Variants in DORIP1 observed in about 807,000 individuals in gnomAD.
DORIP1 encodes dopamine receptor interacting protein 1, also known as dopamine receptor-interacting protein 1.
chr14:44,900,663 C>T, the DORIP1 span: 1 of 1,610,804 alleles, frequency 6.2e-7, no homozygotes, highest in Non-Finnish European at 8.5e-7. Flanking sequence ...ATGAAAACTT[C>T]CCTAGGGAAC....
At chr14:44,906,079 T>C in the DORIP1 span, 1 of 150,472 alleles carries the variant, frequency 6.6e-6, no homozygotes, top group African/African-American at 2.4e-5. Flanking sequence ...TCGATTTGCC[T>C]AGTATCCCTG....
At chr14:44,900,828 G>A in the DORIP1 span, 1 of 1,613,922 alleles carries the variant, frequency 6.2e-7, no homozygotes, top group African/African-American at 1.3e-5. Context: ...TAATTGATTT[G>A]TTTGGGAATG....
chr14:44,903,148 A>AAT, the DORIP1 span: 1 of 1,233,662 alleles, frequency 8.1e-7, no homozygotes, highest in African/African-American at 1.5e-5. Flanking sequence ...AATTTGTTAT[A>AAT]ATATATTAAG....
At chr14:44,902,927 G>C in the DORIP1 span, among the ~76,000 whole-genome samples, 1 of 152,066 alleles carries the variant, frequency 6.6e-6, no homozygotes, top group African/African-American at 2.4e-5. Context: ...AGACCAGATT[G>C]CCTCTTTTGA....
the DORIP1 span, chr14:44,905,224 C>T: frequency 2.1e-6 from 1 of 474,246 alleles, no homozygotes; most frequent in Admixed American, 4.1e-5. Flanking sequence ...AATTTTATTA[C>T]ATGATCTATA....
At chr14:44,903,162 T>G in the DORIP1 span, 3 of 1,351,668 alleles carry the variant, frequency 2.2e-6, no homozygotes, top group Non-Finnish European at 3.2e-6. Flanking sequence ...TATTAAGATA[T>G]AAAATGTTGA....
At chr14:44,901,399 A>C in the DORIP1 span, among the ~76,000 whole-genome samples, 1 of 152,266 alleles carries the variant, frequency 6.6e-6, no homozygotes, top group Non-Finnish European at 1.5e-5. Context: ...TTACTTAGGC[A>C]TGAAGCAGTC....
the DORIP1 span, among the ~76,000 whole-genome samples, chr14:44,897,829 C>G: frequency 6.6e-6 from 1 of 152,204 alleles, no homozygotes. Context: ...GCACGCCTAG[C>G]GTCCGCCTTG....
the DORIP1 span, chr14:44,900,527 G>A: frequency 1.0e-4 from 167 of 1,599,776 alleles, no homozygotes; most frequent in Non-Finnish European, 1.4e-4. Flanking sequence ...CCTTGGGGGG[G>A]TGTTTTTACT....
At chr14:44,904,635 A>C in the DORIP1 span, 2 of 1,141,152 alleles carry the variant, frequency 1.8e-6, no homozygotes, top group Non-Finnish European at 2.4e-6. Flanking sequence ...AAACAATCAT[A>C]TCTGTCTCTA....
the DORIP1 span, among the ~76,000 whole-genome samples, chr14:44,902,581 A>G: frequency 7.2e-5 from 11 of 152,152 alleles, no homozygotes; most frequent in South Asian, 2.1e-4. Flanking sequence ...CAGCTTCCCA[A>G]AGTGCTGGGA....
the DORIP1 span, chr14:44,899,454 A>G: frequency 6.6e-6 from 1 of 152,200 alleles, no homozygotes; most frequent in African/African-American, 2.4e-5. Flanking sequence ...AAAATCCCAA[A>G]GTGATTAGCA....
chr14:44,902,733 A>T, the DORIP1 span, among the ~76,000 whole-genome samples: 1 of 152,170 alleles, frequency 6.6e-6, no homozygotes, highest in South Asian at 2.1e-4. Context: ...ATCATACTCT[A>T]TAACTTTTAA....
chr14:44,898,512 T>G, the DORIP1 span, among the ~76,000 whole-genome samples: 2 of 152,230 alleles, frequency 1.3e-5, no homozygotes, highest in Admixed American at 6.5e-5. Flanking sequence ...TAAGCAATCT[T>G]AAACCTTGCT....
chr14:44,903,601 T>G, the DORIP1 span: 1 of 1,020,564 alleles, frequency 9.8e-7, no homozygotes, highest in Non-Finnish European at 1.2e-6. Flanking sequence ...CACTCTCCAT[T>G]TAGGAGAAAG....
the DORIP1 span, among the ~76,000 whole-genome samples, chr14:44,899,824 ATTTT>A: frequency 2.6e-5 from 3 of 115,274 alleles, no homozygotes; most frequent in African/African-American, 3.6e-5. Context: ...TCATTTAGGA[ATTTT>A]TTTTTTTTTT....
the DORIP1 span, chr14:44,903,502 TC>T: frequency 5.3e-5 from 61 of 1,156,238 alleles, no homozygotes; most frequent in East Asian, 2.4e-4. Context: ...TTTTCTTTTT[TC>T]CCCCCCCACT....
At chr14:44,897,577 A>G in the DORIP1 span, 5 of 171,642 alleles carry the variant, frequency 2.9e-5, no homozygotes, top group Non-Finnish European at 6.2e-5. Flanking sequence ...AGGTACGAGG[A>G]GTTTGCTTCC....
the DORIP1 span, chr14:44,897,561 C>G: frequency 5.4e-6 from 1 of 186,892 alleles, no homozygotes; most frequent in Non-Finnish European, 1.1e-5. Context: ...TTTTCGGTCC[C>G]CAGGGAGGTA....
Sources: gnomAD v4.1 joint callset for allele counts (sites outside exome capture counted in the v4.1 genomes callset) on GRCh38, gnomAD v4.1.1 for gene constraint, MANE v1.5 for transcripts, NCBI Gene and HGNC (gene_info 2026-07-23, HGNC 2026-07-21) for gene names.